Variants in MUSK observed in about 807,000 individuals in gnomAD.
MUSK encodes muscle, skeletal receptor tyrosine-protein kinase.
A neutral mutation model predicts 88.7 loss-of-function variants in MUSK; 55 were observed. The ratio of observed to expected loss-of-function variants is 0.62; its 90% CI spans 0.50 to 0.78. MUSK has a LOEUF of 0.78. MUSK is among the 30% of genes least tolerant of loss of function. The probability of loss-of-function intolerance (pLI) is 0.00; values close to 1 mark genes in which losing one functional copy is unlikely to be tolerated. For missense variants in MUSK, 1,015 were observed against 1,074.3 expected (o/e 0.94, Z 0.77); for synonymous variants, 387 against 391.9 (o/e 0.99, Z 0.15).
intron 1 of MUSK, among the ~76,000 whole-genome samples, chr9:110,677,416 G>C (rs777657594): frequency 6.6e-6 from 1 of 152,080 alleles, no homozygotes; most frequent in Non-Finnish European, 1.5e-5. Flanking sequence ...TTAACGTCTC[G>C]GCAGCATTTG....
chr9:110,682,750 A>T lies in MUSK; in HGVS notation c.156A>T (p.Glu52Asp). The T allele has an allele frequency of 6.2e-7, 1 of 1,612,860 alleles. No homozygotes were observed. The highest frequency in any genetic ancestry group is 8.5e-7 in the Non-Finnish European group (1 of 1,179,090). ...TGGCTACTTTCATGTGTGCAGTGGA[A>T]TCCTACCCCCAGCCTGAGATTTCCT... ...EEVATFMCAV[E>D]SYPQPEISWT... The change falls in exon 2 of 15, where the codon GAA becomes GAT. Residue 52 changes from glutamate (E) to aspartate (D), a missense_variant. Physicochemically the swap from Glu to Asp is conservative, Grantham distance 45. Transcript: ENST00000374448.
chr9:110,742,339 C>G (rs993687969), intron 6 of MUSK, among the ~76,000 whole-genome samples: 2 of 152,024 alleles, frequency 1.3e-5, no homozygotes, highest in African/African-American at 4.8e-5. Context: ...GTCTGTAGTC[C>G]CAGCTACTTG....
chr9:110,767,922 T>C lies in MUSK; in HGVS notation c.1023T>C (p.Tyr341=). 6.2e-7 allele frequency: 1 copy of C among 1,613,978 alleles called. No homozygotes were observed. The part of the protein sequence containing the change: ...KDALVFLNTS[Y]ADPEEAQELL... Reference sequence around the variant, plus strand: ...CTCTTGTTTTTCTCAACACCTCCTATGCGGACCCTGAGGAGGCCCAAGAGC... The same window carrying C: ...CTCTTGTTTTTCTCAACACCTCCTACGCGGACCCTGAGGAGGCCCAAGAGC... Residue 341 remains tyrosine (Y), a synonymous_variant, in exon 9 of 15, where the codon TAT becomes TAC. Transcript: ENST00000374448.
rs566460620 is a variant in MUSK at position 110,802,372 on chromosome 9, G to A, written c.*1384G>A. On this transcript the variant is annotated 3_prime_UTR_variant, in exon 15 of 15. Transcript: ENST00000374448. ...CAGGAACCCAAATTCTCCTGAAAACGAACAGGGAAGAGAAAATAACAGTCT... is the reference window on the plus strand; with the variant it reads ...CAGGAACCCAAATTCTCCTGAAAACAAACAGGGAAGAGAAAATAACAGTCT... Among the ~76,000 whole-genome samples, 4 of 152,044 alleles carry A rather than the reference G, an allele frequency of 2.6e-5. No individual in the cohort carries two copies. The highest frequency in any genetic ancestry group is 5.9e-5 in the Non-Finnish European group (4 of 68,002).
chr9:110,747,106 G>C (rs1286151129), intron 6 of MUSK, among the ~76,000 whole-genome samples: 1 of 152,184 alleles, frequency 6.6e-6, no homozygotes, highest in Non-Finnish European at 1.5e-5. Context: ...ACAAGTCTGT[G>C]GTTCAACTGG....
At chr9:110,680,705 G>T (rs1031973821) in intron 1 of MUSK, among the ~76,000 whole-genome samples, 1 of 151,190 alleles carries the variant, frequency 6.6e-6, no homozygotes, top group Non-Finnish European at 1.5e-5. Context: ...TTTTAAATCT[G>T]TCTTGTCATT....
intron 7 of MUSK, among the ~76,000 whole-genome samples, chr9:110,750,420 G>C (rs2077233466): frequency 6.6e-6 from 1 of 152,040 alleles, no homozygotes; most frequent in Admixed American, 6.6e-5. Context: ...TCTTGGCTTG[G>C]TTAGGGCCCA....
intron 2 of MUSK, 117 bp from the exon 3 acceptor site, chr9:110,687,000 G>A (rs2076204254): frequency 2.1e-6 from 2 of 962,680 alleles, no homozygotes; most frequent in Non-Finnish European, 3.1e-6. Flanking sequence ...AGTCACTCAA[G>A]TTTCCTCTCA....
At chr9:110,693,316 G>A (rs1232895120) in intron 3 of MUSK, among the ~76,000 whole-genome samples, 1 of 151,808 alleles carries the variant, frequency 6.6e-6, no homozygotes, top group Non-Finnish European at 1.5e-5. Context: ...ATCCATTCAT[G>A]TGGATATACA....
intron 3 of MUSK, among the ~76,000 whole-genome samples, chr9:110,694,792 T>C (rs2076411643): frequency 6.6e-6 from 1 of 152,282 alleles, no homozygotes; most frequent in Non-Finnish European, 1.5e-5. Context: ...TGGCATAAAC[T>C]ATTTCTTCTG....
intron 6 of MUSK, among the ~76,000 whole-genome samples, chr9:110,743,071 A>T (rs2077124843): frequency 6.6e-6 from 1 of 152,244 alleles, no homozygotes; most frequent in African/African-American, 2.4e-5. Context: ...TATTTGGCAC[A>T]GAATGAAACA....
At chr9:110,783,144 T>C (rs2077790591) in intron 11 of MUSK, among the ~76,000 whole-genome samples, 1 of 152,252 alleles carries the variant, frequency 6.6e-6, no homozygotes, top group South Asian at 2.1e-4. Flanking sequence ...ATATGTCCCC[T>C]TCTATTAAAT....
At chr9:110,686,765 CT>C (rs1424647359) in intron 2 of MUSK, among the ~76,000 whole-genome samples, 2 of 152,098 alleles carry the variant, frequency 1.3e-5, no homozygotes, top group African/African-American at 4.8e-5. Flanking sequence ...TGTTCTTTAT[CT>C]ATTAATAGCT....
intron 4 of MUSK, among the ~76,000 whole-genome samples, chr9:110,695,923 G>A (rs1210751675): frequency 1.3e-5 from 2 of 152,066 alleles, no homozygotes; most frequent in African/African-American, 4.8e-5. Flanking sequence ...ACAAGGTTCG[G>A]AAGAAAAGAA....
rs192423289 is a variant in MUSK at position 110,671,294 on chromosome 9, T to C, written c.79+2311T>C. 1.4e-4 allele frequency among the ~76,000 whole-genome samples: 21 copies of C among 152,292 alleles called. No individual in the cohort carries two copies. In the Middle Eastern group the frequency reaches 0.01, roughly 74 times the overall value. ...ATTATACTACTGAAACTAATAAAAA[T>C]GGCCCACCCAAACTATTTCTACTAT... On this transcript the variant is annotated intron_variant, in intron 1 of 14. Transcript: ENST00000374448.
intron 11 of MUSK, among the ~76,000 whole-genome samples, chr9:110,782,126 T>G (rs900363329): frequency 1.3e-5 from 2 of 152,236 alleles, no homozygotes; most frequent in Non-Finnish European, 2.9e-5. Flanking sequence ...GTGTTCTGGA[T>G]ACCTAACAGT....
intron 6 of MUSK, among the ~76,000 whole-genome samples, chr9:110,739,814 A>G (rs1003573426): frequency 9.9e-5 from 15 of 152,202 alleles, no homozygotes; most frequent in Admixed American, 2.0e-4. Flanking sequence ...GGGTGGATTG[A>G]GAATGGCTTT....
chr9:110,772,195 T>C (rs1360890678), intron 9 of MUSK, among the ~76,000 whole-genome samples: 2 of 151,386 alleles, frequency 1.3e-5, no homozygotes, highest in Non-Finnish European at 3.0e-5. Flanking sequence ...AATTAAATTT[T>C]ATCTTCATGT....
At position 110,675,036 on chromosome 9, in the gene MUSK, T is replaced by G. The variant is rs555515757; in HGVS notation, c.79+6053T>G. On this transcript the variant is annotated intron_variant, in intron 1 of 14. Coordinates refer to ENST00000374448, the MANE Select transcript of MUSK (RefSeq NM_005592.4). ...AGTAACATTTGCACAGTGCTCCATG[T>G]GGACCAAGGACAATTTTAAATGGTT... Among the ~76,000 whole-genome samples, 4 of 152,280 alleles carry G rather than the reference T, an allele frequency of 2.6e-5. No homozygotes were observed. The East Asian group carries it at 7.7e-4, about 29-fold the overall frequency.
Sources: gnomAD v4.1 joint callset for allele counts (sites outside exome capture counted in the v4.1 genomes callset) on GRCh38, gnomAD v4.1.1 for gene constraint, MANE v1.5 for transcripts, NCBI Gene and HGNC (gene_info 2026-07-23, HGNC 2026-07-21) for gene names.